KDM5C: variants seen among roughly 807,000 people sequenced by gnomAD.
KDM5C encodes lysine-specific demethylase 5C.
KDM5C carries 16 observed loss-of-function variants against 110.6 expected under a neutral mutation model. The ratio of observed to expected loss-of-function variants is 0.14; its 90% confidence interval spans 0.10 to 0.22. The LOEUF is 0.22. KDM5C is among the 10% of genes least tolerant of loss of function. The probability of loss-of-function intolerance (pLI) is 1.00; values close to 1 mark genes in which losing one functional copy is unlikely to be tolerated. For synonymous variants in KDM5C, 511 were observed against 520.4 expected, an observed-to-expected ratio of 0.98 and a Z score of 0.24; for missense variants, 681 against 1,300.9, an observed-to-expected ratio of 0.52 and a Z score of 7.33.
chrX:53,189,898 G>A (rs1189149289), downstream of KDM5C, among the ~76,000 whole-genome samples: 1 of 112,357 alleles, frequency 8.9e-6, no homozygotes, highest in Non-Finnish European at 1.9e-5. Context: ...CTAAGGAGAA[G>A]GGGAAGAAGG....
At position 53,194,223 on chromosome X, in the gene KDM5C, T is replaced by C. The variant is rs1934649699; in HGVS notation, c.3954A>G (p.Glu1318=). 1 of 1,210,319 alleles carries C rather than the reference T, an allele frequency of 8.3e-7. No homozygotes were observed. The change falls in exon 23 of 26, where the codon GAA becomes GAG. Residue 1318 remains glutamate (E), a synonymous_variant. Transcript: ENST00000375401. ...LAELRQRLQA[E]PRPEEPPNYP... Reference sequence around the variant, plus strand: ...AGTTAGGAGGCTCCTCAGGTCTAGGTTCAGCCTGTAGCCGTTGGCGGAGCT... The same window carrying C: ...AGTTAGGAGGCTCCTCAGGTCTAGGCTCAGCCTGTAGCCGTTGGCGGAGCT...
intron 12 of KDM5C, among the ~76,000 whole-genome samples, chrX:53,204,692 T>C (rs1186100413): frequency 9.0e-6 from 1 of 111,549 alleles, no homozygotes; most frequent in Non-Finnish European, 1.9e-5. Flanking sequence ...GAGACGGGGT[T>C]TCACTGTGTT....
chrX:53,202,662 C>G (rs184550134), intron 12 of KDM5C: 1 of 112,243 alleles, frequency 8.9e-6, no homozygotes, highest in Non-Finnish European at 1.9e-5. Context: ...CTAGATCCCA[C>G]GTCTTCCTCT....
At chrX:53,201,771 G>A in intron 13 of KDM5C, 27 bp from the exon 14 acceptor site, 1 of 1,210,683 alleles carries the variant, frequency 8.3e-7, no homozygotes. Context: ...GGTTGAGTGT[G>A]GCCAAGTCTG....
chrX:53,195,747 T>C (rs1175347390), intron 20 of KDM5C, among the ~76,000 whole-genome samples, 169 bp downstream of exon 20: 1 of 111,711 alleles, frequency 9.0e-6, no homozygotes, highest in Non-Finnish European at 1.9e-5. Flanking sequence ...CCTCACACTC[T>C]TCCTCTCACC....
intron 2 of KDM5C, among the ~76,000 whole-genome samples, chrX:53,219,708 ACCTACAGTT>A (rs1213447371): frequency 2.9e-4 from 32 of 112,259 alleles, no homozygotes; most frequent in Non-Finnish European, 3.8e-4. Flanking sequence ...GAAAGAAACA[ACCTACAGTT>A]CCTTGGCTGT....
rs782405833 is a variant in KDM5C, at chrX:53,196,712, C to T, written c.2955G>A (p.Glu985=). The T allele has an allele frequency of 8.3e-7, 1 of 1,211,518 alleles. No homozygotes were observed. Among genetic ancestry groups the T allele is most frequent in the African/African-American group, 1.7e-5 (1 of 57,929 alleles). ...TGGCCTCCAGGCAGAGGTGGGCTTT[C>T]TCCTCCCAGCGTTCAGCAATGGTCA... The part of the protein sequence containing the change: ...ELLTIAERWE[E]KAHLCLEARQ... The change falls in exon 19 of 26, where the codon GAG becomes GAA. Residue 985 remains glutamate, a synonymous_variant. Transcript: ENST00000375401.
chrX:53,192,952 T>C lies in KDM5C; in HGVS notation c.*15A>G. On this transcript the variant is annotated 3_prime_UTR_variant, in exon 26 of 26. Coordinates refer to ENST00000375401, the MANE Select transcript of KDM5C (RefSeq NM_004187.5). ...GGGGGGTCTCTGTCAGGGTCTGTGC[T>C]AGGCTCAGCCACTGTCACAACTGTT... 1 of 1,061,262 alleles carries C rather than the reference T, an allele frequency of 9.4e-7. No individual in the cohort carries two copies. The highest frequency in any genetic ancestry group is 2.1e-5 in the South Asian group (1 of 48,288). The allele number at this position is 1,061,262 out of a possible 1,213,427, so 87.5% of individuals were successfully genotyped here.
chrX:53,215,656 A>G (rs1435535254), intron 7 of KDM5C, 139 bp downstream of exon 7: 6 of 608,509 alleles, frequency 9.9e-6, no homozygotes, highest in South Asian at 2.5e-5. Flanking sequence ...TTGTTTCCCC[A>G]ATTAAGTGAG....
chrX:53,207,178 CAAAAAAAAAAAA>C (rs56948247), intron 12 of KDM5C, among the ~76,000 whole-genome samples: 2 of 40,301 alleles, frequency 5.0e-5, no homozygotes, highest in Non-Finnish European at 8.4e-5. Context: ...ACTCCTTCTC[CAAAAAAAAAAAA>C]AAAAAAAAAA....
chrX:53,201,473 T>C (rs1338915016), intron 14 of KDM5C, 77 bp downstream of exon 14: 1 of 959,050 alleles, frequency 1.0e-6, no homozygotes, highest in Non-Finnish European at 1.5e-6. Flanking sequence ...GAGTAGAGGC[T>C]ACATCTTCTT....
intron 12 of KDM5C, among the ~76,000 whole-genome samples, chrX:53,205,765 A>T (rs1421265089): frequency 8.9e-6 from 1 of 112,411 alleles, no homozygotes; most frequent in African/African-American, 3.2e-5. Flanking sequence ...GCACTGGGTT[A>T]TTTGCCTTCT....
intron 12 of KDM5C, 118 bp downstream of exon 12, chrX:53,210,296 A>G: frequency 1.1e-6 from 1 of 937,480 alleles, no homozygotes; most frequent in South Asian, 2.0e-5. Context: ...CCCAATTAAG[A>G]ACAGCAATGA....
At position 53,206,634 on chromosome X, in the gene KDM5C, C is replaced by T. The variant is rs782316053; in HGVS notation, c.1746+3780G>A. ...ATCTCAGCAGTTTGAGAGACCGAGG[C>T]GGGCAGATCACTTGAAGTCAGGAGT... On this transcript the variant is annotated intron_variant, in intron 12 of 25. Transcript: ENST00000375401. Among the ~76,000 whole-genome samples, 105 of 110,026 alleles carry T rather than the reference C, an allele frequency of 9.5e-4. 1 individual carries two copies. The highest frequency in any genetic ancestry group is 5.7e-3 in the Admixed American group (58 of 10,231).
chrX:53,192,628 G>T lies in KDM5C; in HGVS notation c.*339C>A. The T allele has an allele frequency of 1.2e-6, 1 of 811,360 alleles. No individual in the cohort carries two copies. The highest frequency in any genetic ancestry group is 1.8e-6 in the Non-Finnish European group (1 of 560,560). 66.9% of individuals were successfully genotyped at this position (811,360 alleles called of 1,213,427 possible). A position where few individuals can be genotyped will look rare whatever the true frequency, so the allele number is the denominator to read the frequency against. ...GGAGAGAAGGGAGGAGAGTCCCCCA[G>T]TTTGCATATACACTGGCCTTGTCTC... On this transcript the variant is annotated 3_prime_UTR_variant, in exon 26 of 26. Transcript: ENST00000375401.
At chrX:53,182,559 G>A (rs1386765961) in intron 25 of KDM5C, among the ~76,000 whole-genome samples, 3 of 111,126 alleles carry the variant, frequency 2.7e-5, no homozygotes, top group Non-Finnish European at 5.7e-5. Context: ...GTAGAGATGG[G>A]TTTCACCATG....
intron 14 of KDM5C, among the ~76,000 whole-genome samples, chrX:53,200,067 G>A (rs2073095171): frequency 9.0e-6 from 1 of 111,501 alleles, no homozygotes; most frequent in African/African-American, 3.3e-5. Flanking sequence ...AAATAAAGCA[G>A]CTATGGAATC....
intron 25 of KDM5C, among the ~76,000 whole-genome samples, chrX:53,180,265 A>C (rs781916336): frequency 8.1e-5 from 9 of 111,703 alleles, no homozygotes; most frequent in Non-Finnish European, 1.5e-4. Context: ...AGAGGTTGCT[A>C]GGAGTTATGG....
At chrX:53,203,962 C>T (rs1556843768) in intron 12 of KDM5C, among the ~76,000 whole-genome samples, 1 of 111,373 alleles carries the variant, frequency 9.0e-6, no homozygotes, top group Non-Finnish European at 1.9e-5. Context: ...GTCATGTTGG[C>T]CAGGCTGGTC....
Sources: gnomAD v4.1 joint callset for allele counts (sites outside exome capture counted in the v4.1 genomes callset) on GRCh38, gnomAD v4.1.1 for gene constraint, MANE v1.5 for transcripts, NCBI Gene and HGNC (gene_info 2026-07-23, HGNC 2026-07-21) for gene names.